Variants in SCHIP1 observed in about 807,000 individuals in gnomAD.
SCHIP1 encodes schwannomin interacting protein 1, also known as schwannomin-interacting protein 1.
SCHIP1 carries 8 observed loss-of-function variants against 29.7 expected under a neutral mutation model. The observed-to-expected ratio is 0.27, with a 90% confidence interval of 0.16 to 0.49. The LOEUF (loss-of-function observed/expected upper bound fraction) is 0.49, where lower values mean the gene tolerates loss of function less well. Among genes scored for constraint, SCHIP1 ranks in the 20% least tolerant of loss-of-function variants. The pLI, the probability that SCHIP1 is intolerant of heterozygous loss-of-function variation, is 0.99. For synonymous variants in SCHIP1, 76 were observed against 94.9 expected, an observed-to-expected ratio of 0.80 and a Z score of 1.16; for missense variants, 193 against 294.6, an observed-to-expected ratio of 0.66 and a Z score of 2.52.
the SCHIP1 span, among the ~76,000 whole-genome samples, chr3:159,548,366 C>T: frequency 6.6e-6 from 1 of 151,578 alleles, no homozygotes; most frequent in Non-Finnish European, 1.5e-5. Flanking sequence ...TGCCTTTTTT[C>T]AAAATTATTG....
At chr3:159,656,092 G>A in the SCHIP1 span, among the ~76,000 whole-genome samples, 3 of 152,180 alleles carry the variant, frequency 2.0e-5, no homozygotes, top group Non-Finnish European at 4.4e-5. Context: ...GTTTCATTGT[G>A]TGGCATAGAC....
At chr3:159,440,858 G>A in the SCHIP1 span, among the ~76,000 whole-genome samples, 1 of 152,254 alleles carries the variant, frequency 6.6e-6, no homozygotes, top group African/African-American at 2.4e-5. Flanking sequence ...AACAGCTCCT[G>A]TACTAGTAAC....
the SCHIP1 span, among the ~76,000 whole-genome samples, chr3:159,545,242 A>T: frequency 6.6e-6 from 1 of 152,070 alleles, no homozygotes; most frequent in Non-Finnish European, 1.5e-5. Context: ...AGTATTGATC[A>T]TTGGTGTGTC....
At chr3:159,856,846 C>A (rs971586949) in intron 1 of SCHIP1, among the ~76,000 whole-genome samples, 2 of 152,202 alleles carry the variant, frequency 1.3e-5, no homozygotes, top group African/African-American at 4.8e-5. Context: ...GAAATGACTG[C>A]TTGAGATAAA....
the SCHIP1 span, among the ~76,000 whole-genome samples, chr3:159,394,699 C>T: frequency 6.6e-6 from 1 of 152,074 alleles, no homozygotes; most frequent in Non-Finnish European, 1.5e-5. Context: ...TTTTGATGTG[C>T]TGCTGGATTG....
chr3:159,315,848 C>A, the SCHIP1 span, among the ~76,000 whole-genome samples: 1 of 149,272 alleles, frequency 6.7e-6, no homozygotes, highest in African/African-American at 2.5e-5. Context: ...AGACATAAAA[C>A]ATACTCATCA....
chr3:159,796,914 G>A, the SCHIP1 span, among the ~76,000 whole-genome samples: 1 of 152,168 alleles, frequency 6.6e-6, no homozygotes, highest in Admixed American at 6.5e-5. Context: ...ATGTCATTTG[G>A]TTAGAACAAG....
At chr3:159,514,510 A>G in the SCHIP1 span, among the ~76,000 whole-genome samples, 1 of 152,200 alleles carries the variant, frequency 6.6e-6, no homozygotes, top group African/African-American at 2.4e-5. Flanking sequence ...GTCCTACCAT[A>G]TTGAATGAAT....
the SCHIP1 span, among the ~76,000 whole-genome samples, chr3:159,290,302 C>T: frequency 1.3e-5 from 2 of 151,984 alleles, no homozygotes; most frequent in African/African-American, 2.4e-5. Context: ...GTAAGAACAG[C>T]AGGAAGGGGG....
At chr3:159,665,998 G>A in the SCHIP1 span, among the ~76,000 whole-genome samples, 161 of 152,206 alleles carry the variant, frequency 1.1e-3, no homozygotes, top group Non-Finnish European at 2.1e-3. Flanking sequence ...TCTCGTTATC[G>A]CCTACATTTC....
At chr3:159,840,321 CT>C (rs1744112887) in intron 1 of SCHIP1, 5 of 958,388 alleles carry the variant, frequency 5.2e-6, no homozygotes, top group Non-Finnish European at 8.0e-6. Flanking sequence ...ATTTTGCCAT[CT>C]TCCGCGCCTG....
At chr3:159,723,924 T>C in the SCHIP1 span, among the ~76,000 whole-genome samples, 1 of 152,238 alleles carries the variant, frequency 6.6e-6, no homozygotes, top group Non-Finnish European at 1.5e-5. Context: ...TATTCATAAT[T>C]TGTTAGAATA....
chr3:159,479,441 G>A, the SCHIP1 span, among the ~76,000 whole-genome samples: 2 of 152,182 alleles, frequency 1.3e-5, no homozygotes, highest in Non-Finnish European at 2.9e-5. Flanking sequence ...TCTTCAGGAT[G>A]TAGAATAGCC....
the SCHIP1 span, among the ~76,000 whole-genome samples, chr3:159,586,972 G>T: frequency 6.6e-6 from 1 of 152,156 alleles, no homozygotes; most frequent in Non-Finnish European, 1.5e-5. Context: ...TGTCAGCAGA[G>T]AGAGGAAGCT....
At chr3:159,417,523 G>A in the SCHIP1 span, among the ~76,000 whole-genome samples, 1 of 152,122 alleles carries the variant, frequency 6.6e-6, no homozygotes, top group African/African-American at 2.4e-5. Context: ...ACTATTATAA[G>A]TCTTCTTGGC....
At chr3:159,892,875 A>G (rs1041308566) in intron 6 of SCHIP1, 4 of 152,318 alleles carry the variant, frequency 2.6e-5, no homozygotes, top group African/African-American at 4.8e-5. Context: ...AAACATTCCT[A>G]TGAGCACATA....
the SCHIP1 span, among the ~76,000 whole-genome samples, chr3:159,680,727 TATA>T: frequency 7.5e-4 from 70 of 92,810 alleles, no homozygotes; most frequent in Non-Finnish European, 9.4e-4. Flanking sequence ...TATGTATATA[TATA>T]ATATACATAT....
Position 159,876,431 on chromosome 3 carries a change from G to A in SCHIP1, c.150-9776G>A, listed in dbSNP as rs76651535. 2.2e-4 allele frequency among the ~76,000 whole-genome samples: 34 copies of A among 152,220 alleles called. 1 individual carries two copies. In the East Asian group the frequency reaches 6.6e-3, roughly 29 times the overall value. ...CTCAGTTTCCTCATCTGTAAAATAG[G>A]GTAATAATTGTGCCTACTTCATGGG... On this transcript the variant is annotated intron_variant, in intron 2 of 6. Transcript: ENST00000445224.
At chr3:159,751,415 A>T in the SCHIP1 span, among the ~76,000 whole-genome samples, 2 of 152,216 alleles carry the variant, frequency 1.3e-5, no homozygotes, top group African/African-American at 4.8e-5. Flanking sequence ...TGCAGTCTAT[A>T]TTTGGAAAGA....
Sources: allele counts gnomAD v4.1 joint callset (sites outside exome capture counted in the v4.1 genomes callset), GRCh38; gene constraint gnomAD v4.1.1; transcripts MANE v1.5; gene names NCBI Gene and HGNC (gene_info 2026-07-23, HGNC 2026-07-21).